SLC25A13: variants seen among roughly 807,000 people sequenced by gnomAD.
SLC25A13 encodes electrogenic aspartate/glutamate antiporter SLC25A13, mitochondrial.
SLC25A13 carries 70 observed loss-of-function variants against 85.5 expected under a neutral mutation model. The ratio of observed to expected loss-of-function variants is 0.82; its 90% CI spans 0.68 to 1.00. The LOEUF (loss-of-function observed/expected upper bound fraction) is 1.00, where lower values mean the gene tolerates loss of function less well. SLC25A13 is among the 50% of genes least tolerant of loss of function. The pLI, the probability that SLC25A13 is intolerant of heterozygous loss-of-function variation, is 0.00. For synonymous variants in SLC25A13, 259 were observed against 288.7 expected, an observed-to-expected ratio of 0.90 and a Z score of 1.04; for missense variants, 765 against 819.8, an observed-to-expected ratio of 0.93 and a Z score of 0.82.
intron 11 of SLC25A13, among the ~76,000 whole-genome samples, chr7:96,176,708 T>A (rs960803810): frequency 2.6e-5 from 4 of 152,202 alleles, no homozygotes; most frequent in Non-Finnish European, 5.9e-5. Flanking sequence ...CCCACTGTGT[T>A]CAACTAGAGG....
At chr7:96,215,500 A>G (rs960593774) in intron 4 of SLC25A13, among the ~76,000 whole-genome samples, 1 of 152,184 alleles carries the variant, frequency 6.6e-6, no homozygotes, top group African/African-American at 2.4e-5. Flanking sequence ...GAGTAAAAAA[A>G]TTAACCCTCA....
chr7:96,164,852 A>G (rs1793680592), intron 13 of SLC25A13, among the ~76,000 whole-genome samples: 1 of 152,082 alleles, frequency 6.6e-6, no homozygotes, highest in Admixed American at 6.6e-5. Context: ...TATGCTTTCT[A>G]TTCTTGGTGA....
chr7:96,267,731 T>C (rs1472568941), intron 3 of SLC25A13, among the ~76,000 whole-genome samples: 2 of 151,862 alleles, frequency 1.3e-5, no homozygotes, highest in African/African-American at 4.8e-5. Context: ...GGAGAATTGC[T>C]TGAGCCCAGT....
intron 4 of SLC25A13, among the ~76,000 whole-genome samples, chr7:96,233,598 A>G (rs1001847445): frequency 6.6e-6 from 1 of 152,216 alleles, no homozygotes; most frequent in Non-Finnish European, 1.5e-5. Flanking sequence ...GGTTGGCACA[A>G]TAAATCTATT....
intron 1 of SLC25A13, among the ~76,000 whole-genome samples, chr7:96,316,127 T>TAA (rs1265601247): frequency 1.3e-5 from 2 of 150,346 alleles, no homozygotes; most frequent in African/African-American, 4.9e-5. Flanking sequence ...CTGTCCCAAA[T>TAA]ATATATATAT....
intron 3 of SLC25A13, among the ~76,000 whole-genome samples, chr7:96,246,581 A>T (rs534327267): frequency 9.2e-5 from 14 of 152,318 alleles, no homozygotes; most frequent in Admixed American, 4.6e-4. Context: ...TAAAATTTTT[A>T]AAAAATACAT....
At chr7:96,233,502 G>T (rs1796633971) in intron 4 of SLC25A13, among the ~76,000 whole-genome samples, 1 of 152,156 alleles carries the variant, frequency 6.6e-6, no homozygotes, top group Non-Finnish European at 1.5e-5. Context: ...TAGAAACCGG[G>T]CAAGTATATA....
Position 96,208,756 on chromosome 7 carries a change from C to T in SLC25A13, c.468+82G>A, listed in dbSNP as rs17848730. 2.6e-5 allele frequency: 39 copies of T among 1,510,662 alleles called. No homozygotes were observed. In the East Asian group the frequency reaches 6.0e-4, roughly 23 times the overall value. 93.6% of individuals were successfully genotyped at this position (1,510,662 alleles called of 1,614,324 possible). A position where few individuals can be genotyped will look rare whatever the true frequency, so the allele number is the denominator to read the frequency against. ...TCCTGACCTCGTCATCCGCCCACCT[C>T]GGCCTCCCAAAGTGCTAGGATTATA... On this transcript the variant is annotated intron_variant, in intron 5 of 17. Transcript: ENST00000265631.
At chr7:96,135,227 C>G (rs1792225807) in intron 14 of SLC25A13, among the ~76,000 whole-genome samples, 1 of 152,172 alleles carries the variant, frequency 6.6e-6, no homozygotes, top group South Asian at 2.1e-4. Flanking sequence ...AATGTGTTCA[C>G]CTGAGGGCTG....
rs1432889638 is a variant in SLC25A13 at position 96,193,025 on chromosome 7, GTTACAAC to G, written c.615+5_615+11del. On this transcript the variant is annotated splice_donor_5th_base_variant and intron_variant, in intron 6 of 17. Coordinates refer to ENST00000265631, the MANE Select transcript of SLC25A13 (RefSeq NM_014251.3). ...GAGTTAAACCACTTCATTAGGGCAAGTTACAACTTACAGCTACTAGACATTCTTCTAC... is the reference window on the plus strand; with the variant it reads ...GAGTTAAACCACTTCATTAGGGCAAGTTACAGCTACTAGACATTCTTCTAC... The G allele has an allele frequency of 1.4e-5, 23 of 1,613,646 alleles. No individual in the cohort carries two copies. The highest frequency in any genetic ancestry group is 1.8e-5 in the Non-Finnish European group (21 of 1,179,874).
chr7:96,182,961 A>G (rs1227885959), intron 11 of SLC25A13, among the ~76,000 whole-genome samples: 2 of 152,168 alleles, frequency 1.3e-5, no homozygotes, highest in African/African-American at 4.8e-5. Flanking sequence ...AAGGCGGCCA[A>G]TTTTGCCTGA....
At chr7:96,247,442 A>G (rs1321501136) in intron 3 of SLC25A13, among the ~76,000 whole-genome samples, 2 of 152,204 alleles carry the variant, frequency 1.3e-5, no homozygotes, top group African/African-American at 4.8e-5. Context: ...CAAGTTTCAG[A>G]ATAACATTTC....
intron 4 of SLC25A13, chr7:96,219,693 T>C (rs1464832104): frequency 1.9e-6 from 1 of 534,208 alleles, no homozygotes; most frequent in Non-Finnish European, 3.8e-6. Context: ...AGCCAGGGAG[T>C]CCACAGTTAA....
At chr7:96,141,524 G>T (rs1792562435) in intron 14 of SLC25A13, among the ~76,000 whole-genome samples, 2 of 152,180 alleles carry the variant, frequency 1.3e-5, no homozygotes, top group Admixed American at 6.5e-5. Flanking sequence ...GGATTTAGGA[G>T]AGTCAAGAGA....
chr7:96,263,369 C>T (rs1313989305), intron 3 of SLC25A13, among the ~76,000 whole-genome samples: 1 of 152,162 alleles, frequency 6.6e-6, no homozygotes, highest in African/African-American at 2.4e-5. Context: ...AAATCTCCTC[C>T]TCAATCCTTC....
In SLC25A13 at chr7:96,258,747, G is replaced by A. The variant is rs142160218; in HGVS notation, c.212+18449C>T. Among the ~76,000 whole-genome samples, 977 of 152,170 alleles carry A rather than the reference G, an allele frequency of 6.4e-3. 11 individuals carry two copies. Among genetic ancestry groups the A allele is most frequent in the African/African-American group, 0.022 (898 of 41,510 alleles). On this transcript the variant is annotated intron_variant, in intron 3 of 17. Coordinates refer to ENST00000265631, the MANE Select transcript of SLC25A13 (RefSeq NM_014251.3). ...TTCACATGGAAACAAAAAAGAGCCC[G>A]TATAGCCAACACAATCCTAAGCAAC... is the stretch of plus-strand genomic sequence containing the variant.
At chr7:96,162,128 T>G (rs568642183) in intron 13 of SLC25A13, among the ~76,000 whole-genome samples, 26 of 152,302 alleles carry the variant, frequency 1.7e-4, no homozygotes, top group African/African-American at 6.3e-4. Flanking sequence ...AACCACACTA[T>G]GAGGCTACGT....
intron 3 of SLC25A13, among the ~76,000 whole-genome samples, chr7:96,246,571 TA>T (rs1428964132): frequency 6.6e-6 from 1 of 152,200 alleles, no homozygotes; most frequent in Non-Finnish European, 1.5e-5. Context: ...AGCAGTAAAC[TA>T]AAATTTTTAA....
chr7:96,317,643 G>GCTCTT (rs1800179271), intron 1 of SLC25A13, among the ~76,000 whole-genome samples: 1 of 151,776 alleles, frequency 6.6e-6, no homozygotes, highest in Non-Finnish European at 1.5e-5. Flanking sequence ...TCAGAAATGG[G>GCTCTT]CTCTTCTCCT....
Sources: gnomAD v4.1 joint callset for allele counts (sites outside exome capture counted in the v4.1 genomes callset) on GRCh38, gnomAD v4.1.1 for gene constraint, MANE v1.5 for transcripts, NCBI Gene and HGNC (gene_info 2026-07-23, HGNC 2026-07-21) for gene names.